NOMO3: variants seen among roughly 807,000 people sequenced by gnomAD.
The protein encoded by NOMO3 is BOS complex subunit NOMO3.
NOMO3 carries 15 observed loss-of-function variants against 69.9 expected under a neutral mutation model. The observed-to-expected ratio is 0.21, with a 90% CI of 0.14 to 0.33. The LOEUF (loss-of-function observed/expected upper bound fraction) is 0.33. Among genes scored for constraint, NOMO3 ranks in the 10% least tolerant of loss-of-function variants. NOMO3 has a pLI of 1.00. For synonymous variants in NOMO3, 89 were observed against 301.9 expected (o/e 0.29, Z 7.31); for missense variants, 218 against 761.0 (o/e 0.29, Z 8.39).
chr16:16,266,616 G>T, intron 15 of NOMO3: 1 of 385,488 alleles, frequency 2.6e-6, no homozygotes, highest in Non-Finnish European at 4.8e-6. Context: ...TATTGTTCAG[G>T]AGAGATGTGC....
rs569275958 is a variant in NOMO3 at position 16,234,057 on chromosome 16, C to G, written c.165+1226C>G. On this transcript the variant is annotated intron_variant, in intron 1 of 30. Coordinates refer to ENST00000399336, the MANE Select transcript of NOMO3 (RefSeq NM_001004067.4). ...GCGGATCCGTGATCTTCTTCAAGGC[C>G]CCCTTGTTTGCTGCTTTTTCAGACT... Among the ~76,000 whole-genome samples, 3 of 151,780 alleles carry G rather than the reference C, an allele frequency of 2.0e-5. No individual in the cohort carries two copies. In the South Asian group the frequency reaches 6.3e-4, roughly 32 times the overall value.
In NOMO3 at chr16:16,250,203, G is replaced by A. The variant is rs558054673; in HGVS notation, c.583-725G>A. Among the ~76,000 whole-genome samples, 3 of 143,900 alleles carry A rather than the reference G, an allele frequency of 2.1e-5. 1 individual carries two copies. The highest frequency in any genetic ancestry group is 8.3e-5 in the African/African-American group (3 of 35,936). 94.4% of individuals were successfully genotyped at this position (143,900 alleles called of 152,430 possible). A position where few individuals can be genotyped will look rare whatever the true frequency, so the allele number is the denominator to read the frequency against. On this transcript the variant is annotated intron_variant, in intron 6 of 30. Transcript: ENST00000399336. ...GCCTGTGAGTAGTTGAAGGGTGGCT[G>A]CTTGAATTGGGTGAGACTTGGCAAC...
At position 16,258,587 on chromosome 16, in the gene NOMO3, C is replaced by T. The variant is rs1300958255; in HGVS notation, c.1220+2429C>T. 3.6e-5 allele frequency among the ~76,000 whole-genome samples: 5 copies of T among 140,836 alleles called. 1 individual carries two copies. The highest frequency in any genetic ancestry group is 1.2e-4 in the African/African-American group (4 of 33,402). The allele number at this position is 140,836 out of a possible 152,430, so 92.4% of individuals were successfully genotyped here. A position where few individuals can be genotyped will look rare whatever the true frequency, so the allele number is the denominator to read the frequency against. On this transcript the variant is annotated intron_variant, in intron 11 of 30. Transcript: ENST00000399336. The stretch of plus-strand genomic sequence containing the variant: ...CGTTAGGAGTTGTCTGTTGGTTGGC[C>T]GGGCACGGTGGCTCACGCCTATGAT...
Position 16,260,266 on chromosome 16 carries a change from A to G in NOMO3, c.1221-1236A>G, listed in dbSNP as rs905918365. On this transcript the variant is annotated intron_variant, in intron 11 of 30. Transcript: ENST00000399336. ...AATGGGCAGAGCGCAACACAACTAC[A>G]TTTTTGGACACCACAGTTTGCATTT... is the stretch of plus-strand genomic sequence containing the variant. Among the ~76,000 whole-genome samples the G allele has an allele frequency of 2.7e-4, 36 of 131,060 alleles. 1 individual carries two copies. The highest frequency in any genetic ancestry group is 3.4e-3 in the Middle Eastern group (1 of 296). The allele number at this position is 131,060 out of a possible 152,430, so 86.0% of individuals were successfully genotyped here.
intron 3 of NOMO3, among the ~76,000 whole-genome samples, chr16:16,240,147 C>T (rs1036901258): frequency 1.4e-5 from 2 of 144,436 alleles, no homozygotes; most frequent in Non-Finnish European, 3.0e-5. Context: ...GAAACTCTTC[C>T]CTTGCAGTTT....
chr16:16,255,869 T>C, intron 10 of NOMO3, 44 bp downstream of exon 10: 1 of 1,499,964 alleles, frequency 6.7e-7, no homozygotes, highest in Non-Finnish European at 8.9e-7. Flanking sequence ...AGCGCTCTTT[T>C]TGGATCACAG....
intron 6 of NOMO3, among the ~76,000 whole-genome samples, chr16:16,249,159 A>T (rs2141251393): frequency 6.9e-6 from 1 of 145,034 alleles, no homozygotes; most frequent in Admixed American, 6.7e-5. Flanking sequence ...TATCTGTTTT[A>T]TTATTATTTT....
intron 2 of NOMO3, among the ~76,000 whole-genome samples, chr16:16,237,985 C>T (rs1469508030): frequency 7.0e-6 from 1 of 143,814 alleles, no homozygotes; most frequent in Non-Finnish European, 1.5e-5. Flanking sequence ...TATCCACAAA[C>T]ACCTCTATAC....
chr16:16,259,471 C>T (rs2049546069), intron 11 of NOMO3, among the ~76,000 whole-genome samples: 1 of 136,630 alleles, frequency 7.3e-6, no homozygotes, highest in Non-Finnish European at 1.5e-5. Context: ...GCCCCAGCCT[C>T]CTGAGTAGCT....
chr16:16,265,670 ATTTTTTTTTTTTTTTT>A (rs59243746), intron 15 of NOMO3, among the ~76,000 whole-genome samples: 1 of 16,680 alleles, frequency 6.0e-5, no homozygotes, highest in African/African-American at 3.1e-4. Flanking sequence ...ATATATATAT[ATTTTTTTTTTTTTTTT>A]TTTTTTTTTT....
intron 15 of NOMO3, among the ~76,000 whole-genome samples, chr16:16,265,668 A>ATG (rs1462635090): frequency 0.02 from 503 of 24,662 alleles, no homozygotes; most frequent in Non-Finnish European, 0.023. Context: ...ATATATATAT[A>ATG]TATTTTTTTT....
chr16:16,247,599 TGTTTA>T, intron 6 of NOMO3, 132 bp downstream of exon 6: 1 of 113,070 alleles, frequency 8.8e-6, no homozygotes, highest in South Asian at 5.0e-5. Flanking sequence ...ATGGTGCTGT[TGTTTA>T]GTTTGGTAGT....
intron 2 of NOMO3, among the ~76,000 whole-genome samples, chr16:16,237,666 A>C (rs527247383): frequency 7.1e-6 from 1 of 141,826 alleles, no homozygotes; most frequent in South Asian, 2.2e-4. Flanking sequence ...TTCCTTCCTC[A>C]GCCTCCTGAA....
Position 16,268,523 on chromosome 16 carries a change from T to C in NOMO3, c.1894+1392T>C, listed in dbSNP as rs2049637739. Among the ~76,000 whole-genome samples the C allele has an allele frequency of 1.4e-5, 2 of 143,698 alleles. 1 individual carries two copies. The highest frequency in any genetic ancestry group is 1.3e-4 in the Admixed American group (2 of 14,898). 94.3% of individuals were successfully genotyped at this position (143,698 alleles called of 152,430 possible). ...CCTCCGTTTGGTTCCCAAGATAAAA[T>C]ACAAACTCCTTAACCTGATCTTAGC... On this transcript the variant is annotated intron_variant, in intron 16 of 30. Coordinates refer to ENST00000399336, the MANE Select transcript of NOMO3 (RefSeq NM_001004067.4).
At chr16:16,235,199 A>C (rs2049317063) in intron 1 of NOMO3, among the ~76,000 whole-genome samples, 2 of 151,106 alleles carry the variant, frequency 1.3e-5, no homozygotes, top group South Asian at 2.1e-4. Flanking sequence ...AAATGTTCAA[A>C]TGTTCGTTTT....
At chr16:16,241,119 A>G (rs2049370694) in intron 3 of NOMO3, among the ~76,000 whole-genome samples, 1 of 143,816 alleles carries the variant, frequency 7.0e-6, no homozygotes, top group Non-Finnish European at 1.5e-5. Context: ...TCCAGATAAT[A>G]AGATAGCACT....
Position 16,258,818 on chromosome 16 carries a change from T to C in NOMO3, c.1220+2660T>C, listed in dbSNP as rs1313501244. On this transcript the variant is annotated intron_variant, in intron 11 of 30. Coordinates refer to ENST00000399336, the MANE Select transcript of NOMO3 (RefSeq NM_001004067.4). Reference sequence around the variant, plus strand: ...AGGCAGGGGTTGCAGTGAGCTGAGATTGCACCATTGCACTCCAGCCTGGGC... The same window carrying C: ...AGGCAGGGGTTGCAGTGAGCTGAGACTGCACCATTGCACTCCAGCCTGGGC... Among the ~76,000 whole-genome samples the C allele has an allele frequency of 1.4e-5, 2 of 141,524 alleles. 1 individual carries two copies. Among genetic ancestry groups the C allele is most frequent in the East Asian group, 4.6e-4 (2 of 4,310 alleles). The allele number at this position is 141,524 out of a possible 152,430, so 92.8% of individuals were successfully genotyped here. A position where few individuals can be genotyped will look rare whatever the true frequency, so the allele number is the denominator to read the frequency against.
Position 16,256,188 on chromosome 16 carries a change from C to G in NOMO3, c.1220+30C>G, listed in dbSNP as rs760153760. ...GCTTATCGTGTGGATTTGGAAGCAC[C>G]AGTAAATATGCTGGCAGCCAGTGTA... is the stretch of plus-strand genomic sequence containing the variant. On this transcript the variant is annotated intron_variant, in intron 11 of 30. Coordinates refer to ENST00000399336, the MANE Select transcript of NOMO3 (RefSeq NM_001004067.4). 10 of 1,583,336 alleles carry G rather than the reference C, an allele frequency of 6.3e-6. 1 individual carries two copies. The Admixed American group carries it at 1.7e-4, about 27-fold the overall frequency.
At chr16:16,261,240 C>G in intron 11 of NOMO3, 1 of 478,370 alleles carries the variant, frequency 2.1e-6, no homozygotes, top group Non-Finnish European at 3.6e-6. Flanking sequence ...CAGATGTCAC[C>G]CGGAACACAC....
Sources: gnomAD v4.1 joint callset for allele counts (sites outside exome capture counted in the v4.1 genomes callset) on GRCh38, gnomAD v4.1.1 for gene constraint, MANE v1.5 for transcripts, NCBI Gene and HGNC (gene_info 2026-07-23, HGNC 2026-07-21) for gene names.